Variants in YARS1 observed in about 807,000 individuals in gnomAD.
The protein encoded by YARS1 is tyrosyl-tRNA synthetase 1.
A neutral mutation model predicts 62.2 loss-of-function variants in YARS1; 36 were observed. The observed-to-expected ratio is 0.58, with a 90% confidence interval of 0.44 to 0.76. The LOEUF (loss-of-function observed/expected upper bound fraction) is 0.76. Among genes scored for constraint, YARS1 ranks in the 30% least tolerant of loss-of-function variants. YARS1 has a pLI of 0.00. For synonymous variants in YARS1, 234 were observed against 244.9 expected, an observed-to-expected ratio of 0.96 and a Z score of 0.42; for missense variants, 524 against 639.8, an observed-to-expected ratio of 0.82 and a Z score of 1.95.
In YARS1 at chr1:32,810,948, A is replaced by T. The variant is rs759590543; in HGVS notation, c.167T>A (p.Met56Lys). ...GKPHVAYFVP[M>K]SKIADFLKAG... ...CTTTAAGAAGTCTGCAATCTTTGAC[A>T]TGGGCACAAAGTAAGCCACATGTGG... Residue 56 changes from methionine to lysine, a missense_variant, in exon 2 of 13, where the codon ATG becomes AAG. Coordinates refer to ENST00000373477, the MANE Select transcript of YARS1 (RefSeq NM_003680.4). 2.5e-6 allele frequency: 4 copies of T among 1,614,164 alleles called. No homozygotes were observed. The Admixed American group carries it at 6.7e-5, about 27-fold the overall frequency.
intron 5 of YARS1, among the ~76,000 whole-genome samples, chr1:32,792,292 C>T (rs1653434465): frequency 6.6e-6 from 1 of 152,178 alleles, no homozygotes; most frequent in African/African-American, 2.4e-5. Context: ...ACAAGGACCA[C>T]ACCACAGGAG....
In YARS1 at chr1:32,799,320, T is replaced by C. The variant is rs932265508; in HGVS notation, c.511-1477A>G. Among the ~76,000 whole-genome samples the C allele has an allele frequency of 2.6e-5, 4 of 152,098 alleles. No homozygotes were observed. In the East Asian group the frequency reaches 7.7e-4, roughly 29 times the overall value. ...TGTCATGCTAGGGTGCCTAGTGTTA[T>C]CTTGGCCAATGAAAGGTTTTAAGGA... On this transcript the variant is annotated intron_variant, in intron 4 of 12. Coordinates refer to ENST00000373477, the MANE Select transcript of YARS1 (RefSeq NM_003680.4).
At chr1:32,801,938 A>C (rs373799633) in intron 4 of YARS1, among the ~76,000 whole-genome samples, 35 of 112,956 alleles carry the variant, frequency 3.1e-4, no homozygotes, top group African/African-American at 9.6e-4. Flanking sequence ...TTCTCTTGTT[A>C]TTTCTTTTTT....
intron 4 of YARS1, among the ~76,000 whole-genome samples, chr1:32,805,680 G>C (rs548052220): frequency 6.6e-6 from 1 of 151,040 alleles, no homozygotes; most frequent in African/African-American, 2.4e-5. Flanking sequence ...ACAGATGTGC[G>C]GCCGGGCACG....
chr1:32,797,730 C>A (rs936159249), intron 5 of YARS1, 33 bp downstream of exon 5: 8 of 1,578,230 alleles, frequency 5.1e-6, no homozygotes, highest in African/African-American at 1.3e-5. Flanking sequence ...CTCTGAGGTG[C>A]AAGTGAAAAA....
At position 32,806,545 on chromosome 1, in the gene YARS1, TC is replaced by T; in HGVS notation, c.446del (p.Gly149GlufsTer5). On this transcript the variant is annotated frameshift_variant, in exon 4 of 13. Transcript: ENST00000373477. LOFTEE classifies it high-confidence loss of function. ...GCTCCACCTGCTTTACCACCTCAGC[TC>T]CAGCCTTCTTGGAATCGTGCTGTGT... ...VVTQHDSKKAGAEVVKQVEHP... is the reference protein window; with the variant it reads ...VVTQHDSKKAXAEVVKQVEHP... 6.2e-7 allele frequency: 1 copy of T among 1,614,048 alleles called. No homozygotes were observed. The highest frequency in any genetic ancestry group is 8.5e-7 in the Non-Finnish European group (1 of 1,180,006).
At chr1:32,816,938 T>C (rs971284430) in intron 1 of YARS1, 2 of 599,764 alleles carry the variant, frequency 3.3e-6, no homozygotes, top group Admixed American at 5.8e-5. Flanking sequence ...ATGGGAGTCC[T>C]GGATTCAAAG....
Position 32,786,253 on chromosome 1 carries a change from G to T in YARS1, c.906+109C>A. The T allele has an allele frequency of 2.8e-6, 3 of 1,090,532 alleles. No individual in the cohort carries two copies. The South Asian group carries it at 4.0e-5, about 15-fold the overall frequency. 67.6% of individuals were successfully genotyped at this position (1,090,532 alleles called of 1,614,324 possible). On this transcript the variant is annotated intron_variant, in intron 8 of 12. Coordinates refer to ENST00000373477, the MANE Select transcript of YARS1 (RefSeq NM_003680.4). ...TACCAAAAGTAGAGCAAAAATAGCA[G>T]GCAGCTCACTTTTACACAGAACAAG...
At chr1:32,805,583 T>C (rs532107243) in intron 4 of YARS1, among the ~76,000 whole-genome samples, 3 of 152,236 alleles carry the variant, frequency 2.0e-5, no homozygotes, top group Non-Finnish European at 2.9e-5. Context: ...GGCTATTTGG[T>C]GCAAGAGGCC....
chr1:32,778,814 T>C (rs984838273), intron 12 of YARS1, among the ~76,000 whole-genome samples: 2 of 150,004 alleles, frequency 1.3e-5, no homozygotes, highest in African/African-American at 4.9e-5. Flanking sequence ...TCTTGGCTCA[T>C]TGCAACCTCT....
intron 1 of YARS1, among the ~76,000 whole-genome samples, chr1:32,816,087 C>T (rs965562420): frequency 1.6e-5 from 2 of 127,022 alleles, no homozygotes; most frequent in East Asian, 2.2e-4. Context: ...CCAGCCTGGG[C>T]GACAGAGCGA....
chr1:32,804,089 G>A (rs1266489386), intron 4 of YARS1, among the ~76,000 whole-genome samples: 1 of 152,230 alleles, frequency 6.6e-6, no homozygotes, highest in Admixed American at 6.5e-5. Flanking sequence ...TCCCAAGGCA[G>A]AAGAATTTTT....
Position 32,791,207 on chromosome 1 carries a change from A to T in YARS1, c.639T>A (p.Pro213=). The T allele has an allele frequency of 1.2e-6, 2 of 1,614,146 alleles. No homozygotes were observed. Among genetic ancestry groups the T allele is most frequent in the Non-Finnish European group, 8.5e-7 (1 of 1,180,004 alleles). ...GYSKRVHLMN[P]MVPGLTGSKM... Reference sequence around the variant, plus strand: ...TGCTGCCTGTTAATCCTGGAACCATAGGATTCATCAGATGGACCCGTTTTG... The same window carrying T: ...TGCTGCCTGTTAATCCTGGAACCATTGGATTCATCAGATGGACCCGTTTTG... Residue 213 remains proline (P), a synonymous_variant, in exon 6 of 13, where the codon CCT becomes CCA. Transcript: ENST00000373477.
chr1:32,795,935 G>A (rs115663825), intron 5 of YARS1, among the ~76,000 whole-genome samples: 3,155 of 151,986 alleles, frequency 0.021, 48 homozygotes, highest in Non-Finnish European at 0.029. Flanking sequence ...CAAAAACAAG[G>A]TATGGGCCAA....
chr1:32,801,816 C>T lies in YARS1; in HGVS notation c.511-3973G>A, dbSNP rs566902725. 2.6e-5 allele frequency among the ~76,000 whole-genome samples: 4 copies of T among 152,274 alleles called. No homozygotes were observed. In the South Asian group the frequency reaches 8.3e-4, roughly 32 times the overall value. ...GAATCCTCACCAGTAGTTTCCATTT[C>T]AAGAAACCACTTTCTTTGCTCATCC... On this transcript the variant is annotated intron_variant, in intron 4 of 12. Transcript: ENST00000373477.
At position 32,816,350 on chromosome 1, in the gene YARS1, C is replaced by T. The variant is rs1052737718; in HGVS notation, c.57+838G>A. ...CTCCCGTGACTTGGTCCCTGCCTAC[C>T]TCTCTTAAACAAATAAATAAAATGT... On this transcript the variant is annotated intron_variant, in intron 1 of 12. Transcript: ENST00000373477. Among the ~76,000 whole-genome samples the T allele has an allele frequency of 1.2e-4, 18 of 152,230 alleles. No homozygotes were observed. In the South Asian group the frequency reaches 1.5e-3, roughly 12 times the overall value.
At chr1:32,797,033 T>C (rs1215151366) in intron 5 of YARS1, among the ~76,000 whole-genome samples, 1 of 58,530 alleles carries the variant, frequency 1.7e-5, no homozygotes, top group African/African-American at 7.5e-5. Flanking sequence ...TATATATATA[T>C]ATATATATAT....
chr1:32,778,081 A>C (rs1652928495), intron 12 of YARS1, among the ~76,000 whole-genome samples: 1 of 152,088 alleles, frequency 6.6e-6, no homozygotes, highest in Non-Finnish European at 1.5e-5. Flanking sequence ...AGTAGAAATG[A>C]CTCTCAGTGT....
At chr1:32,799,268 T>A (rs576909204) in intron 4 of YARS1, among the ~76,000 whole-genome samples, 1 of 152,108 alleles carries the variant, frequency 6.6e-6, no homozygotes, top group South Asian at 2.1e-4. Flanking sequence ...ACTGATGAGG[T>A]TAGAAAAGTA....
Sources: gnomAD v4.1 joint callset for allele counts (sites outside exome capture counted in the v4.1 genomes callset) on GRCh38, gnomAD v4.1.1 for gene constraint, MANE v1.5 for transcripts, NCBI Gene and HGNC (gene_info 2026-07-23, HGNC 2026-07-21) for gene names.